RBFOX1: variants seen among roughly 807,000 people sequenced by gnomAD.
RBFOX1 encodes the protein RNA binding protein fox-1 homolog 1.
In RBFOX1, 8 loss-of-function variants were observed where a neutral mutation model predicts 57.7. The ratio of observed to expected loss-of-function variants is 0.14; its 90% CI spans 0.08 to 0.25. The LOEUF is 0.25. RBFOX1 is among the 10% of genes least tolerant of loss of function. RBFOX1 has a pLI of 1.00. For synonymous variants in RBFOX1, 326 were observed against 222.4 expected, an observed-to-expected ratio of 1.47 and a Z score of -4.15; for missense variants, 611 against 548.5, an observed-to-expected ratio of 1.11 and a Z score of -1.14.
chr16:6,017,463 C>T (rs2095002089), upstream of RBFOX1, among the ~76,000 whole-genome samples: 1 of 152,116 alleles, frequency 6.6e-6, no homozygotes, highest in South Asian at 2.1e-4. Context: ...ATGATGTTAC[C>T]AACCCAGATT....
At chr16:7,344,225 G>A (rs959120912) in intron 4 of RBFOX1, among the ~76,000 whole-genome samples, 17 of 149,606 alleles carry the variant, frequency 1.1e-4, no homozygotes, top group African/African-American at 3.9e-4. Flanking sequence ...CTGTAGGACA[G>A]GGATAATACC....
At chr16:5,913,286 G>C (rs1374686889) in intron 4 of RBFOX1, among the ~76,000 whole-genome samples, 1 of 152,104 alleles carries the variant, frequency 6.6e-6, no homozygotes, top group Non-Finnish European at 1.5e-5. Context: ...GGGTTGTTTC[G>C]ACCCACGCAG....
intron 2 of RBFOX1, among the ~76,000 whole-genome samples, chr16:6,541,648 G>A (rs183233796): frequency 6.6e-6 from 1 of 152,266 alleles, no homozygotes; most frequent in East Asian, 1.9e-4. Context: ...ACACCTAGGT[G>A]GAAATTTAAT....
At chr16:7,304,408 GC>G in intron 4 of RBFOX1, 1 of 985,378 alleles carries the variant, frequency 1.0e-6, no homozygotes, top group Non-Finnish European at 1.2e-6. Context: ...TCTGACGGGG[GC>G]CACCTGCGTG....
intron 4 of RBFOX1, among the ~76,000 whole-genome samples, chr16:7,320,024 G>A (rs779275917): frequency 5.3e-5 from 8 of 152,120 alleles, no homozygotes; most frequent in South Asian, 2.1e-4. Flanking sequence ...GCAAGTGTAC[G>A]TGTATGTATG....
At chr16:6,797,032 G>C (rs1006688718) in intron 3 of RBFOX1, among the ~76,000 whole-genome samples, 6 of 152,120 alleles carry the variant, frequency 3.9e-5, no homozygotes, top group African/African-American at 1.4e-4. Context: ...TGGACTGCTG[G>C]TCTAAAAGGT....
chr16:5,604,621 G>T (rs996179577), downstream of RBFOX1, among the ~76,000 whole-genome samples: 1 of 152,170 alleles, frequency 6.6e-6, no homozygotes, highest in African/African-American at 2.4e-5. Flanking sequence ...CTATTGGTTA[G>T]AAGTAACTCG....
chr16:5,564,958 G>C (rs1042067737), intron 2 of RBFOX1, among the ~76,000 whole-genome samples: 2 of 152,142 alleles, frequency 1.3e-5, no homozygotes, highest in African/African-American at 4.8e-5. Context: ...ACATGGATTG[G>C]TTTTTTAGTT....
intron 3 of RBFOX1, among the ~76,000 whole-genome samples, chr16:6,812,711 A>C (rs980941139): frequency 6.6e-6 from 1 of 152,048 alleles, no homozygotes; most frequent in Non-Finnish European, 1.5e-5. Flanking sequence ...TGTGGTCTAA[A>C]TCTTTTAGGA....
At chr16:5,366,750 G>T in intron 1 of RBFOX1, 1 of 314,672 alleles carries the variant, frequency 3.2e-6, no homozygotes. Context: ...TGTAACAGGT[G>T]ATATCTGGCT....
At chr16:7,509,311 T>C (rs1355304034) in intron 4 of RBFOX1, among the ~76,000 whole-genome samples, 2 of 152,130 alleles carry the variant, frequency 1.3e-5, no homozygotes, top group Non-Finnish European at 2.9e-5. Context: ...GGGACAAAGA[T>C]GGTTTTGGAT....
intron 4 of RBFOX1, among the ~76,000 whole-genome samples, chr16:7,263,894 C>G (rs2095026710): frequency 7.0e-6 from 1 of 143,440 alleles, no homozygotes. Flanking sequence ...GAGCAAAACT[C>G]AGTCTCAAAA....
chr16:6,210,362 A>C (rs1282207718), intron 1 of RBFOX1, among the ~76,000 whole-genome samples: 9,145 of 23,964 alleles, frequency 0.38, 949 homozygotes, highest in Non-Finnish European at 0.46. Flanking sequence ...AAAAAACACC[A>C]AAAAAAAAAA....
intron 4 of RBFOX1, among the ~76,000 whole-genome samples, chr16:7,064,723 T>C (rs1300656668): frequency 1.3e-5 from 2 of 152,118 alleles, no homozygotes; most frequent in Non-Finnish European, 2.9e-5. Context: ...CTCGTGAGAA[T>C]CAAATACATT....
intron 4 of RBFOX1, among the ~76,000 whole-genome samples, chr16:5,907,766 T>A (rs80280716): frequency 7.6e-6 from 1 of 132,118 alleles, no homozygotes; most frequent in African/African-American, 3.8e-5. Context: ...TCATCATCAT[T>A]TGAGATGGCA....
chr16:6,511,873 C>T (rs2096261979), intron 2 of RBFOX1, among the ~76,000 whole-genome samples: 1 of 152,184 alleles, frequency 6.6e-6, no homozygotes, highest in South Asian at 2.1e-4. Context: ...CAGTAGGAAA[C>T]CAGTGCCTGT....
intron 4 of RBFOX1, among the ~76,000 whole-genome samples, chr16:7,421,492 G>T (rs1252952072): frequency 6.6e-6 from 1 of 152,348 alleles, no homozygotes; most frequent in East Asian, 1.9e-4. Context: ...TGGCAATAGT[G>T]ACATTTCCCA....
intron 1 of RBFOX1, among the ~76,000 whole-genome samples, chr16:6,028,435 G>C (rs1465904587): frequency 6.6e-6 from 1 of 150,874 alleles, no homozygotes; most frequent in Non-Finnish European, 1.5e-5. Flanking sequence ...CACTTTGGGA[G>C]GCTGAGGCAG....
chr16:6,010,538 G>C (rs967220501), intron 4 of RBFOX1, among the ~76,000 whole-genome samples: 2 of 152,172 alleles, frequency 1.3e-5, no homozygotes, highest in Non-Finnish European at 2.9e-5. Flanking sequence ...CACCTCCCCA[G>C]TTCACTACTG....
Sources: allele counts gnomAD v4.1 joint callset (sites outside exome capture counted in the v4.1 genomes callset), GRCh38; gene constraint gnomAD v4.1.1; transcripts MANE v1.5; gene names NCBI Gene and HGNC (gene_info 2026-07-23, HGNC 2026-07-21).